FRMPD4: variants seen among roughly 807,000 people sequenced by gnomAD.
The protein encoded by FRMPD4 is FERM and PDZ domain containing 4, also known as FERM and PDZ domain-containing protein 4.
Under a neutral mutation model 94.1 loss-of-function variants are expected in FRMPD4, and 22 were observed. The ratio of observed to expected loss-of-function variants is 0.23; its 90% CI spans 0.17 to 0.33. The LOEUF (loss-of-function observed/expected upper bound fraction) is 0.33. Among genes scored for constraint, FRMPD4 ranks in the 10% least tolerant of loss-of-function variants. The pLI, the probability that FRMPD4 is intolerant of heterozygous loss-of-function variation, is 1.00. For synonymous variants in FRMPD4, 631 were observed against 548.6 expected (o/e 1.15, Z -2.10); for missense variants, 1,111 against 1,339.9 (o/e 0.83, Z 2.67).
chrX:11,929,087 C>T (rs919179412), intron 3 of FRMPD4, among the ~76,000 whole-genome samples: 2 of 112,148 alleles, frequency 1.8e-5, no homozygotes, highest in African/African-American at 3.2e-5. Context: ...GAACAGCACA[C>T]GCTGGGGACT....
At chrX:12,548,923 T>C (rs1486727649) in intron 2 of FRMPD4, among the ~76,000 whole-genome samples, 1 of 111,583 alleles carries the variant, frequency 9.0e-6, no homozygotes, top group Non-Finnish European at 1.9e-5. Flanking sequence ...TGATCCTTCA[T>C]AATGAGTTCC....
intron 1 of FRMPD4, among the ~76,000 whole-genome samples, chrX:12,386,303 T>C (rs955099104): frequency 1.8e-5 from 2 of 112,197 alleles, no homozygotes; most frequent in Non-Finnish European, 3.8e-5. Context: ...AGAGAAAAGC[T>C]TGGGAGAGTT....
At chrX:11,835,797 G>A (rs2053498278) in intron 1 of FRMPD4, among the ~76,000 whole-genome samples, 1 of 112,132 alleles carries the variant, frequency 8.9e-6, no homozygotes, top group South Asian at 3.7e-4. Flanking sequence ...ATGCTGTGCA[G>A]GAAAACGTTA....
intron 1 of FRMPD4, among the ~76,000 whole-genome samples, chrX:12,324,907 A>T (rs190767746): frequency 2.8e-4 from 32 of 112,398 alleles, no homozygotes; most frequent in African/African-American, 9.3e-4. Context: ...GTACAAGAAC[A>T]GTTCTACCAA....
rs185935900 is a variant in FRMPD4 at position 12,588,230 on chromosome X, T to C, written c.159-21491T>C. Among the ~76,000 whole-genome samples the C allele has an allele frequency of 3.3e-3, 367 of 112,383 alleles. 1 individual carries two copies. The highest frequency in any genetic ancestry group is 0.011 in the African/African-American group (344 of 30,953). The stretch of plus-strand genomic sequence containing the variant: ...GGTCTCGAACCCTGACCTCCAGTGA[T>C]CTACCCACCTTGGCCTCCCAAAGTG... On this transcript the variant is annotated intron_variant, in intron 2 of 16. Transcript: ENST00000675598.
intron 1 of FRMPD4, among the ~76,000 whole-genome samples, chrX:12,332,375 A>G (rs1404165073): frequency 1.9e-5 from 2 of 107,638 alleles, no homozygotes; most frequent in African/African-American, 6.7e-5. Context: ...ATTGGGGAAA[A>G]GTTTAATGCT....
At chrX:11,851,538 A>G (rs1003512478) in intron 1 of FRMPD4, among the ~76,000 whole-genome samples, 5 of 111,665 alleles carry the variant, frequency 4.5e-5, no homozygotes, top group African/African-American at 6.5e-5. Context: ...TCCAAATAGT[A>G]TCCCATTTTA....
intron 3 of FRMPD4, among the ~76,000 whole-genome samples, chrX:11,916,907 C>T (rs971532018): frequency 9.0e-6 from 1 of 111,412 alleles, no homozygotes; most frequent in African/African-American, 3.3e-5. Context: ...TCCTAGCCTC[C>T]CTCACACATA....
intron 1 of FRMPD4, among the ~76,000 whole-genome samples, chrX:12,473,197 C>T (rs2057540414): frequency 9.1e-6 from 1 of 109,551 alleles, no homozygotes; most frequent in African/African-American, 3.5e-5. Context: ...CCCAGAATTT[C>T]ATAACCAGCC....
chrX:12,552,992 C>CA (rs2058552988), intron 2 of FRMPD4, among the ~76,000 whole-genome samples: 1 of 110,930 alleles, frequency 9.0e-6, no homozygotes, highest in Admixed American at 9.6e-5. Context: ...CCCATCTCTC[C>CA]AAAAAATACA....
At chrX:12,121,994 A>G (rs749964997) in intron 3 of FRMPD4, among the ~76,000 whole-genome samples, 11 of 111,857 alleles carry the variant, frequency 9.8e-5, no homozygotes, top group Non-Finnish European at 1.7e-4. Flanking sequence ...GGTGGGGGCA[A>G]TTTTCGTGTA....
intron 2 of FRMPD4, among the ~76,000 whole-genome samples, chrX:12,513,349 T>G (rs183470657): frequency 1.7e-3 from 185 of 111,982 alleles, no homozygotes; most frequent in African/African-American, 5.9e-3. Flanking sequence ...TATAGTTTTG[T>G]GTTTTACATT....
chrX:12,718,007 G>A lies in FRMPD4; in HGVS notation c.3181G>A (p.Ala1061Thr). The change falls in exon 16 of 17, where the codon GCC becomes ACC. Residue 1061 changes from alanine (A) to threonine (T), a missense_variant. Physicochemically the swap from Ala to Thr is moderately conservative, Grantham distance 58. Coordinates refer to ENST00000675598, the MANE Select transcript of FRMPD4 (RefSeq NM_001368397.1). Reference protein sequence around the residue: ...GTKTAEMEEEASGKFGTVSSR... With the variant: ...GTKTAEMEEETSGKFGTVSSR... ...CAAAACGGCAGAGATGGAGGAGGAG[G>A]CCAGTGGTAAATTTGGTACTGTGTC... 8.3e-7 allele frequency: 1 copy of A among 1,209,166 alleles called. No individual in the cohort carries two copies. The highest frequency in any genetic ancestry group is 1.1e-6 in the Non-Finnish European group (1 of 892,869).
chrX:12,233,676 T>G (rs1220328739), intron 1 of FRMPD4, among the ~76,000 whole-genome samples: 1 of 111,650 alleles, frequency 9.0e-6, no homozygotes, highest in Non-Finnish European at 1.9e-5. Context: ...AGGAAGTCAC[T>G]ATAAGCTGTG....
At chrX:12,300,565 A>C (rs2054844336) in intron 1 of FRMPD4, among the ~76,000 whole-genome samples, 1 of 112,585 alleles carries the variant, frequency 8.9e-6, no homozygotes, top group Non-Finnish European at 1.9e-5. Flanking sequence ...CAGGATTTCT[A>C]ATCATGCACT....
chrX:12,239,128 C>A (rs1206455675), intron 1 of FRMPD4, among the ~76,000 whole-genome samples: 1 of 112,234 alleles, frequency 8.9e-6, no homozygotes, highest in Non-Finnish European at 1.9e-5. Context: ...TTCTTTAAGA[C>A]AAGTACCACT....
chrX:12,411,908 G>A lies in FRMPD4; in HGVS notation c.42-86772G>A, dbSNP rs776823696. 1.7e-4 allele frequency among the ~76,000 whole-genome samples: 19 copies of A among 111,621 alleles called. No homozygotes were observed. In the South Asian group the frequency reaches 5.3e-3, roughly 31 times the overall value. On this transcript the variant is annotated intron_variant, in intron 1 of 16. Coordinates refer to ENST00000675598, the MANE Select transcript of FRMPD4 (RefSeq NM_001368397.1). ...CTGGATACCACTGACTTGAAGGGAG[G>A]CTGCCTGGTAACTACAGTCTTTTAC...
At chrX:12,692,789 A>C (rs2060091109) in intron 8 of FRMPD4, among the ~76,000 whole-genome samples, 1 of 112,684 alleles carries the variant, frequency 8.9e-6, no homozygotes. Flanking sequence ...AGTCAGAGAT[A>C]TAGTGATTCC....
chrX:11,965,148 C>G (rs370468453), intron 3 of FRMPD4, among the ~76,000 whole-genome samples: 4 of 112,409 alleles, frequency 3.6e-5, no homozygotes, highest in Non-Finnish European at 7.5e-5. Flanking sequence ...TGCAATGTAA[C>G]GTAACATATT....
Sources: allele counts gnomAD v4.1 joint callset (sites outside exome capture counted in the v4.1 genomes callset), GRCh38; gene constraint gnomAD v4.1.1; transcripts MANE v1.5; gene names NCBI Gene and HGNC (gene_info 2026-07-23, HGNC 2026-07-21).